COG5: variants seen among roughly 807,000 people sequenced by gnomAD.
COG5 encodes component of oligomeric golgi complex 5.
Under a neutral mutation model 110.4 loss-of-function variants are expected in COG5, and 86 were observed. That is an observed-to-expected ratio of 0.78 (90% confidence interval 0.65 to 0.93). The LOEUF is 0.93. COG5 is among the 40% of genes least tolerant of loss of function. The probability of loss-of-function intolerance (pLI) is 0.00; values close to 1 mark genes in which losing one functional copy is unlikely to be tolerated. For synonymous variants in COG5, 360 were observed against 334.6 expected (o/e 1.08, Z -0.83); for missense variants, 1,077 against 987.0 (o/e 1.09, Z -1.22).
At chr7:107,510,263 A>G (rs548559635) in intron 6 of COG5, among the ~76,000 whole-genome samples, 1 of 152,204 alleles carries the variant, frequency 6.6e-6, no homozygotes, top group South Asian at 2.1e-4. Context: ...CTCTGATAAA[A>G]CAGACTTTAA....
intron 6 of COG5, among the ~76,000 whole-genome samples, chr7:107,462,627 A>AAT (rs1413232102): frequency 2.6e-5 from 4 of 151,846 alleles, no homozygotes; most frequent in Non-Finnish European, 4.4e-5. Context: ...AAAAAAAAAA[A>AAT]AAACTTTAGC....
intron 6 of COG5, among the ~76,000 whole-genome samples, chr7:107,473,264 T>C (rs1342519853): frequency 6.6e-6 from 1 of 151,948 alleles, no homozygotes; most frequent in East Asian, 1.9e-4. Context: ...TTCCACAAGA[T>C]ACAAGAGGGT....
At chr7:107,486,851 A>G (rs1022800398) in intron 6 of COG5, among the ~76,000 whole-genome samples, 18 of 152,212 alleles carry the variant, frequency 1.2e-4, no homozygotes, top group Non-Finnish European at 1.8e-4. Flanking sequence ...AACCATTCCC[A>G]AAGACAGTGA....
At chr7:107,469,122 A>G (rs1402432279) in intron 6 of COG5, among the ~76,000 whole-genome samples, 1 of 151,498 alleles carries the variant, frequency 6.6e-6, no homozygotes, top group East Asian at 1.9e-4. Flanking sequence ...TATCTATCTT[A>G]TAATGATTTG....
At chr7:107,337,343 T>C (rs1372049309) in intron 10 of COG5, among the ~76,000 whole-genome samples, 2 of 152,322 alleles carry the variant, frequency 1.3e-5, no homozygotes, top group Non-Finnish European at 2.9e-5. Context: ...GGGGTTTATA[T>C]TTATTGTACC....
intron 6 of COG5, among the ~76,000 whole-genome samples, chr7:107,458,914 ATATAT>A (rs1194751723): frequency 2.0e-5 from 3 of 151,438 alleles, no homozygotes; most frequent in Non-Finnish European, 2.9e-5. Flanking sequence ...TTATATATAC[ATATAT>A]TATATGTACA....
At chr7:107,457,061 A>C (rs950355585) in intron 6 of COG5, among the ~76,000 whole-genome samples, 1 of 152,204 alleles carries the variant, frequency 6.6e-6, no homozygotes, top group African/African-American at 2.4e-5. Context: ...CATGACCAGC[A>C]CCCAATAACA....
Position 107,474,183 on chromosome 7 carries a change from A to G in COG5, c.538+53054T>C. The stretch of plus-strand genomic sequence containing the variant: ...CACTATCATATCCGTTAAGCTTTCA[A>G]GTGTCTCTCACCGGATTTCTTATGT... On this transcript the variant is annotated intron_variant, in intron 6 of 21. Transcript: ENST00000297135. This position sits in a 1 kb window ranked among gnomAD's most constrained non-coding sequence, Gnocchi z 5.7. The G allele has an allele frequency of 6.2e-7, 1 of 1,612,640 alleles. No individual in the cohort carries two copies. The highest frequency in any genetic ancestry group is 8.5e-7 in the Non-Finnish European group (1 of 1,178,872).
chr7:107,341,478 T>G (rs1811165714), intron 10 of COG5, among the ~76,000 whole-genome samples: 1 of 151,998 alleles, frequency 6.6e-6, no homozygotes, highest in South Asian at 2.1e-4. Flanking sequence ...TCAACACTAT[T>G]CCTATCAAAC....
intron 12 of COG5, among the ~76,000 whole-genome samples, chr7:107,296,121 ACCTTCCTT>A (rs141605638): frequency 2.0e-4 from 28 of 143,068 alleles, no homozygotes; most frequent in Admixed American, 1.3e-3. Flanking sequence ...ACAGTGACCT[ACCTTCCTT>A]CCTTCCTTCC....
In COG5 at chr7:107,288,905, GAGATATATATATAT is replaced by G. The variant is rs1468302679; in HGVS notation, c.1314-5187_1314-5174del. Among the ~76,000 whole-genome samples the G allele has an allele frequency of 4.9e-3, 329 of 67,270 alleles. 6 individuals carry two copies. The highest frequency in any genetic ancestry group is 0.014 in the African/African-American group (295 of 20,906). The allele number at this position is 67,270 out of a possible 152,430, so 44.1% of individuals were successfully genotyped here. On this transcript the variant is annotated intron_variant, in intron 12 of 21. Transcript: ENST00000297135. Reference sequence around the variant, plus strand: ...AGATTTGCCCCTATGTTTTCTAACAGAGATATATATATATATATATATATATATATATATATATA... The same window carrying G: ...AGATTTGCCCCTATGTTTTCTAACAGATATATATATATATATATATATATA...
chr7:107,299,047 G>A lies in COG5; in HGVS notation c.1109-701C>T, dbSNP rs181967548. 9.7e-4 allele frequency among the ~76,000 whole-genome samples: 148 copies of A among 152,124 alleles called. 1 individual carries two copies. The highest frequency in any genetic ancestry group is 3.4e-3 in the Middle Eastern group (1 of 294). ...GATGTCACCAAAGGAGTACTTGGGG[G>A]AAATTTATGCAAATATTTACATTTG... On this transcript the variant is annotated intron_variant, in intron 11 of 21. Transcript: ENST00000297135.
chr7:107,511,315 G>C (rs958061580), intron 6 of COG5, among the ~76,000 whole-genome samples: 13 of 152,208 alleles, frequency 8.5e-5, no homozygotes, highest in African/African-American at 3.1e-4. Context: ...TAAATTCCTC[G>C]ACACATACAC....
intron 21 of COG5, among the ~76,000 whole-genome samples, chr7:107,204,376 G>A (rs144822894): frequency 2.0e-5 from 3 of 152,142 alleles, no homozygotes; most frequent in Non-Finnish European, 4.4e-5. Flanking sequence ...AAATATATCT[G>A]GCCCTTCTTT....
intron 16 of COG5, among the ~76,000 whole-genome samples, chr7:107,250,645 C>A (rs79543528): frequency 2.0e-5 from 3 of 151,458 alleles, no homozygotes; most frequent in Admixed American, 2.0e-4. Context: ...AAAATATGCA[C>A]ACAATAAATA....
rs1366871551 is a variant in COG5 at position 107,248,444 on chromosome 7, T to TAATA, written c.1804_1805insTATT (p.Asp602ValfsTer27). 12 of 1,609,210 alleles carry TAATA rather than the reference T, an allele frequency of 7.5e-6. No homozygotes were observed. Among genetic ancestry groups the TAATA allele is most frequent in the Non-Finnish European group, 9.3e-6 (11 of 1,178,998 alleles). Reference sequence around the variant, plus strand: ...GGTGATGATTATGGCCTCTATAGCATCTCCCACAGAAGTGAGTAAGGGTTG... The same window carrying TAATA: ...GGTGATGATTATGGCCTCTATAGCATAATACTCCCACAGAAGTGAGTAAGGGTTG... On this transcript the variant is annotated frameshift_variant, in exon 17 of 22. Transcript: ENST00000297135. LOFTEE classifies it high-confidence loss of function.
chr7:107,241,999 C>T (rs2116499584), intron 17 of COG5, among the ~76,000 whole-genome samples: 1 of 152,076 alleles, frequency 6.6e-6, no homozygotes, highest in South Asian at 2.1e-4. Context: ...CTAGGCTGGT[C>T]CTGAATTCCT....
intron 6 of COG5, among the ~76,000 whole-genome samples, chr7:107,428,007 A>G (rs1260162028): frequency 6.6e-6 from 1 of 152,042 alleles, no homozygotes; most frequent in African/African-American, 2.4e-5. Flanking sequence ...CTGGTTTGTG[A>G]GTATGCAAAA....
chr7:107,470,834 C>T (rs1349275497), intron 6 of COG5, among the ~76,000 whole-genome samples: 1 of 151,956 alleles, frequency 6.6e-6, no homozygotes, highest in African/African-American at 2.4e-5. Context: ...GGCATGTTCA[C>T]TGAAAATTAA....
Sources: gnomAD v4.1 joint callset for allele counts (sites outside exome capture counted in the v4.1 genomes callset) on GRCh38, gnomAD v4.1.1 for gene constraint, Gnocchi (gnomAD v3.1) non-coding constraint, MANE v1.5 for transcripts, NCBI Gene and HGNC (gene_info 2026-07-23, HGNC 2026-07-21) for gene names.